The following PLA2R1 variants were observed in gnomAD, a reference collection of about 807,000 sequenced individuals.
The protein encoded by PLA2R1 is secretory phospholipase A2 receptor.
A neutral mutation model predicts 195.9 loss-of-function variants in PLA2R1; 158 were observed. That is an observed-to-expected ratio of 0.81 (90% CI 0.71 to 0.92). The LOEUF is 0.92. Among genes scored for constraint, PLA2R1 ranks in the 40% least tolerant of loss-of-function variants. The pLI is 0.00. For missense variants in PLA2R1, 1,626 were observed against 1,764.6 expected, an observed-to-expected ratio of 0.92 and a Z score of 1.41; for synonymous variants, 586 against 598.2, an observed-to-expected ratio of 0.98 and a Z score of 0.30.
At chr2:159,981,211 G>T (rs1294133783) in intron 13 of PLA2R1, among the ~76,000 whole-genome samples, 5 of 120,376 alleles carry the variant, frequency 4.2e-5, no homozygotes, top group African/African-American at 1.8e-4. Context: ...ACATGTATGT[G>T]CATACGTGTG....
At chr2:159,925,159 G>A in the PLA2R1 span, among the ~76,000 whole-genome samples, 1 of 151,086 alleles carries the variant, frequency 6.6e-6, no homozygotes, top group Non-Finnish European at 1.5e-5. Context: ...AAAAACAATG[G>A]TGCTAACTCT....
At chr2:159,956,143 G>A (rs1167424832) in intron 21 of PLA2R1, among the ~76,000 whole-genome samples, 1 of 152,078 alleles carries the variant, frequency 6.6e-6, no homozygotes, top group East Asian at 1.9e-4. Context: ...GTATATAATT[G>A]ATTAAATATC....
chr2:159,982,817 A>C (rs1206164307), intron 13 of PLA2R1, among the ~76,000 whole-genome samples: 1 of 152,206 alleles, frequency 6.6e-6, no homozygotes, highest in Admixed American at 6.5e-5. Context: ...TTGAGACTCT[A>C]GATTTCCAGA....
intron 10 of PLA2R1, among the ~76,000 whole-genome samples, chr2:160,011,107 G>A (rs974837604): frequency 6.6e-6 from 1 of 152,200 alleles, no homozygotes; most frequent in Non-Finnish European, 1.5e-5. Context: ...AACATTTAAA[G>A]TATTCACAAC....
intron 1 of PLA2R1, among the ~76,000 whole-genome samples, chr2:160,061,365 G>A (rs890647907): frequency 6.6e-6 from 1 of 152,178 alleles, no homozygotes; most frequent in Non-Finnish European, 1.5e-5. Flanking sequence ...TGTAGTAGGT[G>A]CTCAATAAGT....
rs116501595 is a variant in PLA2R1, at chr2:159,990,831, C to T, written c.1835-3473G>A. ...TTAGTAACTTGCCAAAGGCCACAAA[C>T]GTAGTGGGCTTGCTCCAGGATTTGA... On this transcript the variant is annotated intron_variant, in intron 11 of 29. Transcript: ENST00000283243. Among the ~76,000 whole-genome samples the T allele has an allele frequency of 7.0e-3, 1,068 of 151,648 alleles. 3 individuals are homozygous for T. Among genetic ancestry groups the T allele is most frequent in the Non-Finnish European group, 0.012 (798 of 67,962 alleles).
Position 159,979,893 on chromosome 2 carries a change from C to G in PLA2R1, c.2205G>C (p.Trp735Cys). ...GTGGGTTTCTTTTATTAAATCCAAT[C>G]CAGAACTGCCTTTCTTCTGTCCTGT... ...KFNWTEERQF[W>C]IGFNKRNPLN... Residue 735 changes from tryptophan to cysteine, a missense_variant, in exon 14 of 30, where the codon TGG (tryptophan) becomes TGC (cysteine). Physicochemically the swap from Trp to Cys is radical, Grantham distance 215. Coordinates refer to ENST00000283243, the MANE Select transcript of PLA2R1 (RefSeq NM_007366.5). 1 of 1,604,364 alleles carries G rather than the reference C, an allele frequency of 6.2e-7. No homozygotes were observed. The highest frequency in any genetic ancestry group is 1.1e-5 in the South Asian group (1 of 90,702).
chr2:160,047,064 A>T (rs1694913999), intron 1 of PLA2R1, among the ~76,000 whole-genome samples: 1 of 152,184 alleles, frequency 6.6e-6, no homozygotes. Flanking sequence ...GTTCAAATGT[A>T]TTATAAGCTC....
intron 3 of PLA2R1, among the ~76,000 whole-genome samples, chr2:160,040,451 A>G (rs577446165): frequency 1.8e-4 from 27 of 152,312 alleles, no homozygotes; most frequent in African/African-American, 6.3e-4. Flanking sequence ...ATAGATGTAT[A>G]TTGCATAGAA....
chr2:160,039,901 C>A (rs1184031488), intron 3 of PLA2R1, among the ~76,000 whole-genome samples: 1 of 151,100 alleles, frequency 6.6e-6, no homozygotes, highest in African/African-American at 2.4e-5. Flanking sequence ...TTGGAAGTTT[C>A]CCAGTGGAAA....
the PLA2R1 span, among the ~76,000 whole-genome samples, chr2:159,924,905 CG>C: frequency 6.6e-6 from 1 of 152,086 alleles, no homozygotes; most frequent in East Asian, 1.9e-4. Flanking sequence ...TGTCACGGTA[CG>C]TTCCATTTCC....
At chr2:159,986,115 C>T (rs1194834296) in intron 12 of PLA2R1, among the ~76,000 whole-genome samples, 3 of 152,032 alleles carry the variant, frequency 2.0e-5, no homozygotes, top group South Asian at 2.1e-4. Flanking sequence ...TCCTAGACTT[C>T]GGTTGCTTCT....
chr2:159,977,456 C>T, intron 14 of PLA2R1, 40 bp from the exon 15 acceptor site: 8 of 1,599,490 alleles, frequency 5.0e-6, no homozygotes, highest in Non-Finnish European at 6.8e-6. Flanking sequence ...ATGATGATCC[C>T]CCCACAAAGT....
chr2:160,040,040 CT>C, intron 3 of PLA2R1, among the ~76,000 whole-genome samples: 1 of 151,564 alleles, frequency 6.6e-6, no homozygotes, highest in East Asian at 1.9e-4. Flanking sequence ...TAATAATGAC[CT>C]CTATTGGGGA....
Position 160,016,696 on chromosome 2 carries a change from A to C in PLA2R1, c.1469T>G (p.Val490Gly). ...SAEQSEGHWK[V>G]KNCEERLFYI... ...AAAAAGTCTTTCTTCACAATTTTTG[A>C]CTTTCCAGTGTCCCTCCTACGGAGA... The change falls in exon 9 of 30, where the codon GTC becomes GGC. Residue 490 changes from valine (V) to glycine (G), a missense_variant. Coordinates refer to ENST00000283243, the MANE Select transcript of PLA2R1 (RefSeq NM_007366.5). The C allele has an allele frequency of 1.3e-6, 2 of 1,589,408 alleles. No individual in the cohort carries two copies. Among genetic ancestry groups the C allele is most frequent in the Non-Finnish European group, 1.7e-6 (2 of 1,157,528 alleles).
At chr2:159,930,578 CAA>C (rs779098418), downstream of PLA2R1, among the ~76,000 whole-genome samples, 1 of 152,162 alleles carries the variant, frequency 6.6e-6, no homozygotes, top group South Asian at 2.1e-4. Flanking sequence ...CTAATATACT[CAA>C]AGTCGGAGTC....
chr2:159,931,353 G>A (rs1344421994), downstream of PLA2R1, among the ~76,000 whole-genome samples: 1 of 152,132 alleles, frequency 6.6e-6, no homozygotes, highest in African/African-American at 2.4e-5. Flanking sequence ...AACAGAGTGA[G>A]ACCCCGTCTC....
At chr2:160,039,654 C>T (rs150485590) in intron 3 of PLA2R1, among the ~76,000 whole-genome samples, 179 of 152,094 alleles carry the variant, frequency 1.2e-3, no homozygotes, top group Admixed American at 4.0e-3. Context: ...ATCTCCGACA[C>T]GTCATTTTGA....
At chr2:159,950,726 C>T (rs1018045797) in intron 24 of PLA2R1, among the ~76,000 whole-genome samples, 2 of 152,102 alleles carry the variant, frequency 1.3e-5, no homozygotes, top group Non-Finnish European at 2.9e-5. Context: ...TATGTGTATA[C>T]ATGGAAAATT....
Sources: allele counts gnomAD v4.1 joint callset (sites outside exome capture counted in the v4.1 genomes callset), GRCh38; gene constraint gnomAD v4.1.1; transcripts MANE v1.5; gene names NCBI Gene and HGNC (gene_info 2026-07-23, HGNC 2026-07-21).